Variants in SCP2 observed in about 807,000 individuals in gnomAD.
SCP2 encodes the protein sterol carrier protein 2, also known as SCP-2/3-oxoacyl-CoA thiolase.
In SCP2, 48 loss-of-function variants were observed where a neutral mutation model predicts 71.4. The observed-to-expected ratio is 0.67, with a 90% CI of 0.53 to 0.86. The LOEUF (loss-of-function observed/expected upper bound fraction) is 0.86. Among genes scored for constraint, SCP2 ranks in the 40% least tolerant of loss-of-function variants. The pLI is 0.00. For synonymous variants in SCP2, 220 were observed against 218.1 expected (o/e 1.01, Z -0.08); for missense variants, 560 against 655.6 (o/e 0.85, Z 1.59).
chr1:52,945,725 G>C (rs1654720625), intron 2 of SCP2, among the ~76,000 whole-genome samples: 1 of 144,606 alleles, frequency 6.9e-6, no homozygotes, highest in African/African-American at 2.8e-5. Flanking sequence ...GTTTGGAAAA[G>C]AATGTTTAAG....
chr1:52,944,710 C>T (rs1654607350), intron 2 of SCP2, among the ~76,000 whole-genome samples: 1 of 151,872 alleles, frequency 6.6e-6, no homozygotes. Context: ...TTGAAATTAA[C>T]TCTGGGGATT....
intron 6 of SCP2, among the ~76,000 whole-genome samples, chr1:52,971,660 G>A (rs967350030): frequency 2.0e-5 from 3 of 152,212 alleles, no homozygotes; most frequent in African/African-American, 4.8e-5. Context: ...TGGACAAAAA[G>A]CATATGATCT....
chr1:52,969,732 A>T (rs1657289126), intron 6 of SCP2, among the ~76,000 whole-genome samples: 1 of 151,072 alleles, frequency 6.6e-6, no homozygotes. Context: ...GAGGCAGGAG[A>T]ACTGCTTGAG....
At chr1:53,036,656 CAT>C (rs916984311) in intron 13 of SCP2, among the ~76,000 whole-genome samples, 12 of 146,242 alleles carry the variant, frequency 8.2e-5, no homozygotes, top group South Asian at 4.2e-4. Flanking sequence ...ATTTAAGATA[CAT>C]ATATATATAA....
At chr1:53,022,445 G>T (rs184572166) in intron 12 of SCP2, among the ~76,000 whole-genome samples, 1 of 152,272 alleles carries the variant, frequency 6.6e-6, no homozygotes, top group Admixed American at 6.5e-5. Flanking sequence ...GATGGCTATT[G>T]ATGATCAGCA....
chr1:52,978,179 G>T, intron 8 of SCP2, 38 bp from the exon 9 acceptor site: 2 of 1,604,240 alleles, frequency 1.2e-6, no homozygotes, highest in Non-Finnish European at 8.5e-7. Context: ...CCGATCAGGT[G>T]CTACTGGGTG....
chr1:53,046,003 G>C (rs955142055), intron 14 of SCP2, among the ~76,000 whole-genome samples: 52 of 152,148 alleles, frequency 3.4e-4, no homozygotes, highest in African/African-American at 1.2e-3. Context: ...CTGTTGCATG[G>C]ATCATGAAGT....
chr1:52,943,631 A>G (rs1232392856), intron 2 of SCP2: 3 of 431,152 alleles, frequency 7.0e-6, no homozygotes, highest in African/African-American at 2.0e-5. Flanking sequence ...AAAAAGGCCA[A>G]CGAGATAGGC....
intron 11 of SCP2, chr1:52,995,329 G>T (rs1659851686): frequency 2.1e-6 from 1 of 477,510 alleles, no homozygotes; most frequent in Admixed American, 2.5e-5. Flanking sequence ...TGACAATGAG[G>T]CCCTCTATGA....
At chr1:53,043,221 T>A (rs1334875745) in intron 14 of SCP2, among the ~76,000 whole-genome samples, 1 of 152,218 alleles carries the variant, frequency 6.6e-6, no homozygotes, top group Non-Finnish European at 1.5e-5. Flanking sequence ...TATCTAAATA[T>A]GATGAGAATA....
At chr1:52,934,628 T>G (rs1653513292) in intron 1 of SCP2, among the ~76,000 whole-genome samples, 1 of 124,564 alleles carries the variant, frequency 8.0e-6, no homozygotes, top group Non-Finnish European at 1.6e-5. Flanking sequence ...TTTTTTTTTT[T>G]TTGAGACGGA....
chr1:52,968,465 A>T (rs1657170888), intron 6 of SCP2, among the ~76,000 whole-genome samples: 1 of 151,978 alleles, frequency 6.6e-6, no homozygotes. Context: ...AGAATTCAAT[A>T]TTTTATTTCT....
intron 10 of SCP2, among the ~76,000 whole-genome samples, chr1:52,986,993 T>C: frequency 1.1e-5 from 1 of 90,564 alleles, no homozygotes; most frequent in African/African-American, 5.4e-5. Context: ...TCTGTATATA[T>C]ATATATATAT....
At chr1:53,016,499 A>G (rs1661349692) in intron 12 of SCP2, among the ~76,000 whole-genome samples, 2 of 152,162 alleles carry the variant, frequency 1.3e-5, no homozygotes, top group South Asian at 4.2e-4. Flanking sequence ...CTCTAAATAT[A>G]TGGGGAAGGC....
chr1:52,985,212 G>C (rs1658882214), intron 10 of SCP2, among the ~76,000 whole-genome samples: 1 of 152,122 alleles, frequency 6.6e-6, no homozygotes, highest in South Asian at 2.1e-4. Flanking sequence ...CAAGAATCCA[G>C]CTGCCTACTT....
chr1:53,047,205 C>A (rs1663877153), intron 14 of SCP2, among the ~76,000 whole-genome samples: 1 of 152,206 alleles, frequency 6.6e-6, no homozygotes, highest in African/African-American at 2.4e-5. Context: ...ATAGGAAGTC[C>A]ACAACATAGC....
intron 6 of SCP2, among the ~76,000 whole-genome samples, chr1:52,971,033 T>C (rs1258690342): frequency 7.1e-6 from 1 of 141,654 alleles, no homozygotes; most frequent in Non-Finnish European, 1.5e-5. Context: ...TGGAGTGCAG[T>C]GGCGCAATCT....
intron 9 of SCP2, among the ~76,000 whole-genome samples, chr1:52,979,246 ACTGCAACCT>A (rs1658253038): frequency 6.6e-6 from 1 of 151,898 alleles, no homozygotes; most frequent in African/African-American, 2.4e-5. Flanking sequence ...ATCATAGCTC[ACTGCAACCT>A]CTGCCTCCTA....
At chr1:52,934,400 C>G (rs781505980) in intron 1 of SCP2, among the ~76,000 whole-genome samples, 2 of 150,958 alleles carry the variant, frequency 1.3e-5, no homozygotes, top group African/African-American at 2.4e-5. Flanking sequence ...TTGAAAGGGC[C>G]GTATAACTCA....
Sources: allele counts gnomAD v4.1 joint callset (sites outside exome capture counted in the v4.1 genomes callset), GRCh38; gene constraint gnomAD v4.1.1; transcripts MANE v1.5; gene names NCBI Gene and HGNC (gene_info 2026-07-23, HGNC 2026-07-21).